The following GRM7 variants were observed in gnomAD, a reference collection of about 807,000 sequenced individuals.
The protein encoded by GRM7 is glutamate metabotropic receptor 7.
In GRM7, 35 loss-of-function variants were observed where a neutral mutation model predicts 84.5. The ratio of observed to expected loss-of-function variants is 0.41; its 90% CI spans 0.32 to 0.55. The LOEUF is 0.55. GRM7 is among the 20% of genes least tolerant of loss of function. The probability of loss-of-function intolerance (pLI) is 0.19; values close to 1 mark genes in which losing one functional copy is unlikely to be tolerated. For synonymous variants in GRM7, 487 were observed against 455.1 expected, an observed-to-expected ratio of 1.07 and a Z score of -0.89; for missense variants, 1,003 against 1,194.6, an observed-to-expected ratio of 0.84 and a Z score of 2.36.
chr3:7,643,003 A>G (rs1274200988), intron 8 of GRM7, among the ~76,000 whole-genome samples: 1 of 152,150 alleles, frequency 6.6e-6, no homozygotes, highest in Non-Finnish European at 1.5e-5. Flanking sequence ...AAGAGAATCA[A>G]GGAGATTCCC....
intron 2 of GRM7, among the ~76,000 whole-genome samples, chr3:7,262,258 C>T (rs922036909): frequency 6.6e-6 from 1 of 152,074 alleles, no homozygotes; most frequent in Non-Finnish European, 1.5e-5. Flanking sequence ...GACATAATTA[C>T]ATAATCCCAC....
chr3:7,068,294 T>G (rs2124980145), intron 1 of GRM7, among the ~76,000 whole-genome samples: 1 of 152,166 alleles, frequency 6.6e-6, no homozygotes, highest in Admixed American at 6.6e-5. Context: ...CATACTTCTA[T>G]GATGTGAATT....
intron 8 of GRM7, among the ~76,000 whole-genome samples, chr3:7,619,805 A>G (rs951931442): frequency 1.1e-4 from 16 of 152,172 alleles, no homozygotes; most frequent in African/African-American, 3.6e-4. Flanking sequence ...TGTTTTGTCA[A>G]CAGTCCCACA....
chr3:7,393,747 TTA>T, intron 4 of GRM7, among the ~76,000 whole-genome samples: 1 of 152,342 alleles, frequency 6.6e-6, no homozygotes, highest in East Asian at 1.9e-4. Context: ...TTTCAGACTC[TTA>T]TGTGTCTCTT....
At chr3:7,621,635 A>G (rs543576198) in intron 8 of GRM7, among the ~76,000 whole-genome samples, 1 of 152,238 alleles carries the variant, frequency 6.6e-6, no homozygotes, top group African/African-American at 2.4e-5. Flanking sequence ...CCTCAAATGA[A>G]ATACAACAGC....
chr3:7,055,062 T>G (rs1345658096), intron 1 of GRM7, among the ~76,000 whole-genome samples: 1 of 152,006 alleles, frequency 6.6e-6, no homozygotes, highest in African/African-American at 2.4e-5. Flanking sequence ...ATCAATCTTT[T>G]TTTGTGTGTC....
At chr3:7,685,036 C>T (rs1021047951) in intron 9 of GRM7, among the ~76,000 whole-genome samples, 3 of 152,186 alleles carry the variant, frequency 2.0e-5, no homozygotes. Flanking sequence ...TTTCCCTGTA[C>T]TTTCTACAGT....
intron 2 of GRM7, among the ~76,000 whole-genome samples, chr3:7,227,393 C>G (rs1013232368): frequency 6.6e-6 from 1 of 152,192 alleles, no homozygotes; most frequent in South Asian, 2.1e-4. Flanking sequence ...GTCTACCCTA[C>G]CCCACTGTGT....
chr3:7,228,245 CAATA>C (rs938005578), intron 2 of GRM7, among the ~76,000 whole-genome samples: 1 of 151,972 alleles, frequency 6.6e-6, no homozygotes, highest in African/African-American at 2.4e-5. Context: ...GGCATTGCAT[CAATA>C]AATGAAAGAG....
chr3:7,095,144 G>T (rs564064345), intron 1 of GRM7, among the ~76,000 whole-genome samples: 146 of 152,150 alleles, frequency 9.6e-4, no homozygotes, highest in African/African-American at 3.3e-3. Flanking sequence ...AAGAGACTTG[G>T]TGAAAGTAAA....
intron 9 of GRM7, among the ~76,000 whole-genome samples, chr3:7,705,240 A>C (rs1701349435): frequency 6.6e-6 from 1 of 152,218 alleles, no homozygotes; most frequent in South Asian, 2.1e-4. Context: ...AAAACATCTG[A>C]AAGAACTTCT....
chr3:7,677,421 C>T (rs549263985), intron 8 of GRM7, among the ~76,000 whole-genome samples: 1 of 151,816 alleles, frequency 6.6e-6, no homozygotes, highest in Non-Finnish European at 1.5e-5. Context: ...TTGCAGATAC[C>T]GAAGCTGAGG....
chr3:7,196,229 G>A (rs1054213813), intron 2 of GRM7, among the ~76,000 whole-genome samples: 4 of 152,058 alleles, frequency 2.6e-5, no homozygotes, highest in African/African-American at 7.2e-5. Context: ...AGTTTTTTGT[G>A]CTATTCAGGT....
chr3:7,568,187 G>C (rs1694416643), intron 7 of GRM7, among the ~76,000 whole-genome samples: 1 of 152,128 alleles, frequency 6.6e-6, no homozygotes, highest in Admixed American at 6.5e-5. Flanking sequence ...GGGAACTGGG[G>C]AGCCTGGCAG....
chr3:7,541,977 T>C (rs778906312), intron 7 of GRM7, among the ~76,000 whole-genome samples: 1 of 152,204 alleles, frequency 6.6e-6, no homozygotes, highest in Admixed American at 6.5e-5. Context: ...TGGCATTCTC[T>C]GGCTCACAGC....
intron 9 of GRM7, among the ~76,000 whole-genome samples, chr3:7,708,808 T>C (rs1701486279): frequency 1.3e-5 from 2 of 152,074 alleles, no homozygotes; most frequent in South Asian, 4.1e-4. Context: ...GTGAGTTGGC[T>C]TGGGGTTAGG....
At chr3:7,128,983 TA>T (rs1476311922) in intron 1 of GRM7, among the ~76,000 whole-genome samples, 1 of 152,220 alleles carries the variant, frequency 6.6e-6, no homozygotes, top group Non-Finnish European at 1.5e-5. Context: ...TTGCTCATGT[TA>T]AAATTCAAGA....
At chr3:7,263,305 G>A (rs1035995011) in intron 2 of GRM7, among the ~76,000 whole-genome samples, 2 of 152,162 alleles carry the variant, frequency 1.3e-5, no homozygotes, top group African/African-American at 4.8e-5. Flanking sequence ...CGCTGGAGAG[G>A]GAGAGGTGCA....
intron 2 of GRM7, among the ~76,000 whole-genome samples, chr3:7,258,931 A>C (rs1419387227): frequency 6.6e-6 from 1 of 152,232 alleles, no homozygotes; most frequent in Non-Finnish European, 1.5e-5. Context: ...GAAAACCTTA[A>C]GGATTTTGTA....
Sources: gnomAD v4.1 joint callset for allele counts (sites outside exome capture counted in the v4.1 genomes callset) on GRCh38, gnomAD v4.1.1 for gene constraint, MANE v1.5 for transcripts, NCBI Gene and HGNC (gene_info 2026-07-23, HGNC 2026-07-21) for gene names.